The following NOS1AP variants were observed in gnomAD, a reference collection of about 807,000 sequenced individuals.
NOS1AP encodes the protein carboxyl-terminal PDZ ligand of neuronal nitric oxide synthase protein.
NOS1AP carries 21 observed loss-of-function variants against 56.2 expected under a neutral mutation model. The ratio of observed to expected loss-of-function variants is 0.37; its 90% CI spans 0.26 to 0.54. The LOEUF (loss-of-function observed/expected upper bound fraction) is 0.54. NOS1AP is among the 20% of genes least tolerant of loss of function. The pLI is 0.84. For synonymous variants in NOS1AP, 270 were observed against 274.6 expected (o/e 0.98, Z 0.17); for missense variants, 522 against 657.8 (o/e 0.79, Z 2.26).
chr1:162,100,743 A>C (rs1692375644), intron 1 of NOS1AP, among the ~76,000 whole-genome samples: 2 of 152,072 alleles, frequency 1.3e-5, no homozygotes, highest in African/African-American at 4.8e-5. Context: ...TCTTTTGAGA[A>C]GTGTATGTTC....
intron 1 of NOS1AP, among the ~76,000 whole-genome samples, chr1:162,132,801 C>T (rs1269830686): frequency 6.6e-6 from 1 of 152,194 alleles, no homozygotes; most frequent in African/African-American, 2.4e-5. Context: ...TTCCACACTC[C>T]TTCAGTTTTC....
intron 2 of NOS1AP, among the ~76,000 whole-genome samples, chr1:162,260,568 AC>A (rs1654175799): frequency 6.6e-6 from 1 of 152,214 alleles, no homozygotes; most frequent in Admixed American, 6.5e-5. Flanking sequence ...ACTAACACAT[AC>A]AAGTTGTAAC....
chr1:162,354,203 T>A (rs1349127737), intron 6 of NOS1AP, among the ~76,000 whole-genome samples: 1 of 152,250 alleles, frequency 6.6e-6, no homozygotes, highest in African/African-American at 2.4e-5. Context: ...CAGCTCTGTG[T>A]CTCCTGCTTT....
intron 2 of NOS1AP, among the ~76,000 whole-genome samples, chr1:162,229,533 G>T (rs1336536733): frequency 1.3e-5 from 2 of 151,876 alleles, no homozygotes; most frequent in African/African-American, 4.8e-5. Context: ...GGGTTGTTAG[G>T]TGCTTGAAGC....
At chr1:162,363,995 T>A in intron 8 of NOS1AP, 1 of 985,418 alleles carries the variant, frequency 1.0e-6, no homozygotes, top group South Asian at 4.7e-5. Context: ...AGCCACGGTA[T>A]CCACAAGTGT....
chr1:162,184,485 T>C (rs963679031), intron 2 of NOS1AP, among the ~76,000 whole-genome samples: 1 of 152,100 alleles, frequency 6.6e-6, no homozygotes, highest in Non-Finnish European at 1.5e-5. Flanking sequence ...AACCCCAATA[T>C]CTGTAAAGCA....
intron 5 of NOS1AP, among the ~76,000 whole-genome samples, chr1:162,335,654 G>A (rs1656917719): frequency 6.6e-6 from 1 of 152,170 alleles, no homozygotes; most frequent in Admixed American, 6.5e-5. Flanking sequence ...CTCTTGACTG[G>A]AAGCCCGCAG....
At chr1:162,208,111 G>A (rs946206448) in intron 2 of NOS1AP, among the ~76,000 whole-genome samples, 3 of 152,104 alleles carry the variant, frequency 2.0e-5, no homozygotes, top group Non-Finnish European at 2.9e-5. Context: ...GGTTTCTCAC[G>A]GTGAGTCTGG....
chr1:162,179,015 G>T (rs1452185846), intron 2 of NOS1AP, among the ~76,000 whole-genome samples: 3 of 152,034 alleles, frequency 2.0e-5, no homozygotes, highest in Non-Finnish European at 2.9e-5. Flanking sequence ...GGTGCTGGTG[G>T]TTATGTATAC....
intron 2 of NOS1AP, among the ~76,000 whole-genome samples, chr1:162,263,488 C>G (rs573202554): frequency 6.6e-6 from 1 of 152,208 alleles, no homozygotes; most frequent in East Asian, 1.9e-4. Context: ...AAGTTTCTAA[C>G]ACATAAATTT....
At chr1:162,084,681 C>A (rs1570996638) in intron 1 of NOS1AP, among the ~76,000 whole-genome samples, 2 of 151,984 alleles carry the variant, frequency 1.3e-5, no homozygotes, top group South Asian at 4.1e-4. Flanking sequence ...TTTCTCTTCT[C>A]TTTTTCTTCT....
chr1:162,365,002 C>T, intron 8 of NOS1AP: 3 of 1,063,810 alleles, frequency 2.8e-6, no homozygotes, highest in Non-Finnish European at 3.4e-6. Context: ...CCACCTCCAA[C>T]ATGGCATGCC....
rs80118336 is a variant in NOS1AP at position 162,279,125 on chromosome 1, T to C, written c.178-8219T>C. ...TGTTTTTAACATGCTGTGAGAGATA[T>C]AGAGAAGAAAGCAGCTGAAAGCAGC... is the stretch of plus-strand genomic sequence containing the variant. On this transcript the variant is annotated intron_variant, in intron 2 of 9. Coordinates refer to ENST00000361897, the MANE Select transcript of NOS1AP (RefSeq NM_014697.3). Among the ~76,000 whole-genome samples, 941 of 152,298 alleles carry C rather than the reference T, an allele frequency of 6.2e-3. 3 individuals are homozygous for C. The highest frequency in any genetic ancestry group is 0.011 in the Non-Finnish European group (750 of 68,026).
intron 4 of NOS1AP, among the ~76,000 whole-genome samples, chr1:162,312,626 G>A (rs1256867852): frequency 6.7e-6 from 1 of 149,140 alleles, no homozygotes; most frequent in Non-Finnish European, 1.5e-5. Flanking sequence ...TGTTGCCATT[G>A]CTTTTGGTGT....
intron 9 of NOS1AP, 124 bp downstream of exon 9, chr1:162,365,693 C>G: frequency 8.2e-7 from 1 of 1,217,242 alleles, no homozygotes; most frequent in Non-Finnish European, 1.2e-6. Flanking sequence ...CAGCAGAAAA[C>G]ATAGGCAGCT....
intron 1 of NOS1AP, among the ~76,000 whole-genome samples, chr1:162,101,025 G>A (rs1452591139): frequency 3.3e-5 from 5 of 152,168 alleles, no homozygotes; most frequent in African/African-American, 1.2e-4. Flanking sequence ...CCTATGTCCT[G>A]AATGGTGTTG....
At chr1:162,143,066 C>CA (rs35804502) in intron 1 of NOS1AP, among the ~76,000 whole-genome samples, 52,590 of 151,852 alleles carry the variant, frequency 0.35, 9,873 homozygotes, top group East Asian at 0.72. Flanking sequence ...CTTGCTCAGT[C>CA]GGAGGCAAAT....
chr1:162,169,776 C>T (rs1052293255), intron 2 of NOS1AP, among the ~76,000 whole-genome samples: 31 of 152,168 alleles, frequency 2.0e-4, no homozygotes, highest in African/African-American at 4.6e-4. Context: ...GGAATCTCAG[C>T]GGGCGGTCAG....
chr1:162,272,372 A>G (rs903696831), intron 2 of NOS1AP, among the ~76,000 whole-genome samples: 3 of 152,160 alleles, frequency 2.0e-5, no homozygotes, highest in South Asian at 4.1e-4. Flanking sequence ...TGTATTCCAG[A>G]AGAATGGCTG....
Sources: allele counts gnomAD v4.1 joint callset (sites outside exome capture counted in the v4.1 genomes callset), GRCh38; gene constraint gnomAD v4.1.1; transcripts MANE v1.5; gene names NCBI Gene and HGNC (gene_info 2026-07-23, HGNC 2026-07-21).